PAK1: variants seen among roughly 807,000 people sequenced by gnomAD.
PAK1 encodes serine/threonine-protein kinase PAK 1.
Under a neutral mutation model 67.4 loss-of-function variants are expected in PAK1, and 29 were observed. That is an observed-to-expected ratio of 0.43 (90% CI 0.32 to 0.59). PAK1 has a LOEUF of 0.59. PAK1 is among the 20% of genes least tolerant of loss of function. PAK1 has a pLI of 0.07. For synonymous variants in PAK1, 223 were observed against 237.4 expected, an observed-to-expected ratio of 0.94 and a Z score of 0.56; for missense variants, 337 against 670.7, an observed-to-expected ratio of 0.50 and a Z score of 5.50.
At chr11:77,410,783 G>A (rs1191613349) in intron 1 of PAK1, among the ~76,000 whole-genome samples, 2 of 151,884 alleles carry the variant, frequency 1.3e-5, no homozygotes, top group South Asian at 2.1e-4. Flanking sequence ...ACTAGGGGGA[G>A]GAAAGAGGTC....
At chr11:77,347,171 C>T (rs919713337) in intron 9 of PAK1, 1 of 433,542 alleles carries the variant, frequency 2.3e-6, no homozygotes. Context: ...ACAAGACACG[C>T]ATACAATGAA....
chr11:77,462,765 G>A (rs1957409735), intron 1 of PAK1, among the ~76,000 whole-genome samples: 2 of 151,016 alleles, frequency 1.3e-5, no homozygotes, highest in African/African-American at 4.9e-5. Flanking sequence ...CCGGAAGGAA[G>A]AGGTTGCAGT....
intron 1 of PAK1, among the ~76,000 whole-genome samples, chr11:77,403,803 T>C (rs1440676968): frequency 1.3e-5 from 2 of 152,206 alleles, no homozygotes. Context: ...CTGCTTTGGT[T>C]TGAATGTGTC....
At chr11:77,404,045 C>G (rs1953095981) in intron 1 of PAK1, among the ~76,000 whole-genome samples, 1 of 152,196 alleles carries the variant, frequency 6.6e-6, no homozygotes, top group Non-Finnish European at 1.5e-5. Context: ...CGGAATAACA[C>G]AGCAAGAAGG....
At chr11:77,324,792 CAGAG>C (rs927542996) in intron 14 of PAK1, among the ~76,000 whole-genome samples, 28 of 139,328 alleles carry the variant, frequency 2.0e-4, no homozygotes, top group Middle Eastern at 7.5e-3. Flanking sequence ...GAGAGAGAGA[CAGAG>C]AGAGAGAGAG....
chr11:77,394,324 A>G (rs1397724149), intron 1 of PAK1, among the ~76,000 whole-genome samples: 1 of 152,190 alleles, frequency 6.6e-6, no homozygotes, highest in Non-Finnish European at 1.5e-5. Context: ...AGAACGGCTG[A>G]GTTAAGACCT....
the PAK1 span, among the ~76,000 whole-genome samples, chr11:77,484,338 A>C: frequency 1.3e-5 from 2 of 152,108 alleles, no homozygotes; most frequent in Non-Finnish European, 2.9e-5. Flanking sequence ...GTCAGTCCCC[A>C]GGAGGCTTGA....
At chr11:77,431,489 C>G (rs770318273) in intron 1 of PAK1, among the ~76,000 whole-genome samples, 1 of 152,242 alleles carries the variant, frequency 6.6e-6, no homozygotes, top group Non-Finnish European at 1.5e-5. Flanking sequence ...TGGTCTTTTC[C>G]TCTCGTAGGA....
At position 77,331,174 on chromosome 11, in the gene PAK1, T is replaced by G. The variant is rs1591675146; in HGVS notation, c.1551+1556A>C. Among the ~76,000 whole-genome samples the G allele has an allele frequency of 2.0e-5, 3 of 152,344 alleles. No individual in the cohort carries two copies. The South Asian group carries it at 6.2e-4, about 32-fold the overall frequency. On this transcript the variant is annotated intron_variant, in intron 14 of 14. Coordinates refer to ENST00000356341, the MANE Select transcript of PAK1 (RefSeq NM_002576.5). ...GGATGTGGAGAAATACGAACACTTT[T>G]ACACTGTTGGTGGGAGTGTAAACTA...
intron 14 of PAK1, among the ~76,000 whole-genome samples, chr11:77,327,713 G>T (rs1940371937): frequency 1.3e-5 from 2 of 152,204 alleles, no homozygotes; most frequent in African/African-American, 2.4e-5. Context: ...AGGCTAGGAA[G>T]AAACTGCACC....
chr11:77,490,668 C>T, the PAK1 span, among the ~76,000 whole-genome samples: 4 of 152,248 alleles, frequency 2.6e-5, no homozygotes, highest in South Asian at 2.1e-4. Flanking sequence ...ATGACAATGG[C>T]GGTTTTGTGG....
At chr11:77,469,713 AT>A (rs1264044570) in intron 1 of PAK1, among the ~76,000 whole-genome samples, 5 of 151,364 alleles carry the variant, frequency 3.3e-5, no homozygotes, top group South Asian at 2.1e-4. Flanking sequence ...AATAATGGGC[AT>A]AGAAAATGAC....
chr11:77,491,466 CT>C, the PAK1 span, among the ~76,000 whole-genome samples: 1 of 151,830 alleles, frequency 6.6e-6, no homozygotes, highest in African/African-American at 2.4e-5. Context: ...GAGGTCAAGG[CT>C]GCAGTGAGCC....
At chr11:77,383,123 T>C (rs1056792567) in intron 2 of PAK1, among the ~76,000 whole-genome samples, 2 of 152,196 alleles carry the variant, frequency 1.3e-5, no homozygotes, top group African/African-American at 4.8e-5. Flanking sequence ...GTAGTCTACC[T>C]GATCAAGTCT....
chr11:77,503,316 T>C, the PAK1 span, among the ~76,000 whole-genome samples: 1 of 151,250 alleles, frequency 6.6e-6, no homozygotes, highest in Non-Finnish European at 1.5e-5. Context: ...GCAAACAGAG[T>C]AGTGCAAAGA....
the PAK1 span, among the ~76,000 whole-genome samples, chr11:77,514,203 G>C: frequency 6.6e-6 from 1 of 152,110 alleles, no homozygotes; most frequent in Non-Finnish European, 1.5e-5. Context: ...CTAAGTATAA[G>C]ACAGTCACAG....
intron 1 of PAK1, among the ~76,000 whole-genome samples, chr11:77,440,216 A>C (rs1956294526): frequency 1.3e-5 from 2 of 152,140 alleles, no homozygotes; most frequent in African/African-American, 4.8e-5. Flanking sequence ...TTTAATTAGC[A>C]TCTATCCTAA....
At chr11:77,501,157 AAAAAC>A in the PAK1 span, among the ~76,000 whole-genome samples, 7 of 148,332 alleles carry the variant, frequency 4.7e-5, no homozygotes, top group Non-Finnish European at 8.9e-5. Context: ...TCTCAAAAAA[AAAAAC>A]AAAAAACAAA....
the PAK1 span, among the ~76,000 whole-genome samples, chr11:77,525,997 C>A: frequency 6.6e-6 from 1 of 152,158 alleles, no homozygotes; most frequent in Non-Finnish European, 1.5e-5. Flanking sequence ...GGTTTTATTC[C>A]CCTGCTTTCT....
Sources: allele counts gnomAD v4.1 joint callset (sites outside exome capture counted in the v4.1 genomes callset), GRCh38; gene constraint gnomAD v4.1.1; transcripts MANE v1.5; gene names NCBI Gene and HGNC (gene_info 2026-07-23, HGNC 2026-07-21).